Variants in ANGPT1 observed in about 807,000 individuals in gnomAD.
ANGPT1 encodes angiopoietin-1.
Under a neutral mutation model 62.2 loss-of-function variants are expected in ANGPT1, and 17 were observed. The observed-to-expected ratio is 0.27, with a 90% confidence interval of 0.19 to 0.41. ANGPT1 has a LOEUF of 0.41. ANGPT1 is among the 10% of genes least tolerant of loss of function. The pLI is 1.00. For synonymous variants in ANGPT1, 199 were observed against 198.9 expected (o/e 1.00, Z 0.00); for missense variants, 478 against 594.9 (o/e 0.80, Z 2.04).
Position 107,251,705 on chromosome 8 carries a change from G to A in ANGPT1, c.*150C>T, listed in dbSNP as rs556991396. ...TGAACTCAAACGGCTCCAGATTCAC[G>A]GTCAAGAACCTTGGTGACTTCACAT... On this transcript the variant is annotated 3_prime_UTR_variant, in exon 9 of 9. Transcript: ENST00000517746. 7.9e-4 allele frequency: 778 copies of A among 981,544 alleles called. 2 individuals are homozygous for A. The highest frequency in any genetic ancestry group is 9.6e-4 in the Non-Finnish European group (657 of 684,300). 60.8% of individuals were successfully genotyped at this position (981,544 alleles called of 1,614,324 possible).
chr8:107,329,046 GAAAT>G (rs1235819724), intron 3 of ANGPT1, among the ~76,000 whole-genome samples: 1 of 151,770 alleles, frequency 6.6e-6, no homozygotes, highest in Non-Finnish European at 1.5e-5. Context: ...AAATTATTAT[GAAAT>G]AAATAGTAGA....
intron 1 of ANGPT1, among the ~76,000 whole-genome samples, chr8:107,475,135 T>C (rs191147925): frequency 6.6e-6 from 1 of 152,208 alleles, no homozygotes; most frequent in African/African-American, 2.4e-5. Flanking sequence ...AAGACAATCC[T>C]AAGCCAAAAG....
chr8:107,383,255 G>A (rs1816673608), intron 1 of ANGPT1, among the ~76,000 whole-genome samples: 1 of 152,070 alleles, frequency 6.6e-6, no homozygotes, highest in Non-Finnish European at 1.5e-5. Flanking sequence ...ATCAATGGTT[G>A]TGTGGGTCTC....
intron 1 of ANGPT1, among the ~76,000 whole-genome samples, chr8:107,419,154 G>A (rs1303206869): frequency 6.6e-6 from 1 of 152,060 alleles, no homozygotes; most frequent in East Asian, 1.9e-4. Flanking sequence ...AGATGATGGG[G>A]TTCAGGACTC....
intron 1 of ANGPT1, among the ~76,000 whole-genome samples, chr8:107,439,983 G>A (rs909091818): frequency 2.6e-5 from 4 of 152,248 alleles, no homozygotes; most frequent in South Asian, 2.1e-4. Context: ...TATCTGCCTC[G>A]GAAACCATGG....
At chr8:107,469,324 C>T (rs1466045607) in intron 1 of ANGPT1, among the ~76,000 whole-genome samples, 5 of 151,878 alleles carry the variant, frequency 3.3e-5, no homozygotes, top group Non-Finnish European at 1.5e-5. Context: ...ATTTGTGTGA[C>T]CACTTGATTG....
chr8:107,297,483 CATAAT>C (rs1429164241), intron 5 of ANGPT1, among the ~76,000 whole-genome samples: 3 of 151,488 alleles, frequency 2.0e-5, no homozygotes, highest in Admixed American at 1.3e-4. Flanking sequence ...TTACTGATGA[CATAAT>C]ATATGTTTAT....
At chr8:107,471,267 C>T (rs1812350808) in intron 1 of ANGPT1, among the ~76,000 whole-genome samples, 1 of 152,018 alleles carries the variant, frequency 6.6e-6, no homozygotes, top group Non-Finnish European at 1.5e-5. Context: ...AAGCTGGAAA[C>T]CATCATTCTC....
At chr8:107,330,532 G>A (rs1312256876) in intron 3 of ANGPT1, among the ~76,000 whole-genome samples, 1 of 152,152 alleles carries the variant, frequency 6.6e-6, no homozygotes, top group Admixed American at 6.5e-5. Context: ...ATAGAGAATT[G>A]TCATTTGGTT....
chr8:107,446,788 T>C (rs1490919436), intron 1 of ANGPT1, among the ~76,000 whole-genome samples: 2 of 152,204 alleles, frequency 1.3e-5, no homozygotes, highest in African/African-American at 4.8e-5. Context: ...ATATCTTCTA[T>C]ATGCTTGAGG....
chr8:107,357,231 C>T (rs1227245317), intron 1 of ANGPT1, among the ~76,000 whole-genome samples: 2 of 152,132 alleles, frequency 1.3e-5, no homozygotes, highest in East Asian at 3.8e-4. Flanking sequence ...TTCTGCCTAA[C>T]AACACAGAAA....
At chr8:107,481,876 A>C (rs1343560630) in intron 1 of ANGPT1, among the ~76,000 whole-genome samples, 1 of 152,168 alleles carries the variant, frequency 6.6e-6, no homozygotes, top group African/African-American at 2.4e-5. Flanking sequence ...CCATAATCGA[A>C]TTCACCTCCT....
chr8:107,285,796 T>C (rs1258534671), intron 6 of ANGPT1, among the ~76,000 whole-genome samples: 1 of 152,062 alleles, frequency 6.6e-6, no homozygotes, highest in Non-Finnish European at 1.5e-5. Flanking sequence ...TTGGCAGTGC[T>C]TGAAGTTCAA....
At chr8:107,267,770 T>C (rs534022445) in intron 7 of ANGPT1, among the ~76,000 whole-genome samples, 137 of 152,234 alleles carry the variant, frequency 9.0e-4, no homozygotes, top group Middle Eastern at 3.4e-3. Flanking sequence ...TACTGTCTAC[T>C]TTTTCCCATG....
At chr8:107,277,583 G>A (rs1281701215) in intron 7 of ANGPT1, among the ~76,000 whole-genome samples, 2 of 151,996 alleles carry the variant, frequency 1.3e-5, no homozygotes, top group African/African-American at 4.8e-5. Context: ...GGAGAGAATA[G>A]GTATTCCATT....
At chr8:107,281,801 T>C (rs1205364163) in intron 7 of ANGPT1, among the ~76,000 whole-genome samples, 17 of 152,228 alleles carry the variant, frequency 1.1e-4, no homozygotes. Flanking sequence ...TGTCTAATAA[T>C]ACCTACCTCC....
At chr8:107,332,776 C>T (rs1815453708) in intron 3 of ANGPT1, among the ~76,000 whole-genome samples, 3 of 152,136 alleles carry the variant, frequency 2.0e-5, no homozygotes. Context: ...GGAAACAAAG[C>T]TTAATTTAGA....
intron 3 of ANGPT1, among the ~76,000 whole-genome samples, chr8:107,326,195 C>T (rs569579346): frequency 2.6e-4 from 39 of 152,118 alleles, no homozygotes; most frequent in African/African-American, 8.2e-4. Flanking sequence ...ACTAAGAAGG[C>T]TACTCTACAG....
intron 1 of ANGPT1, among the ~76,000 whole-genome samples, chr8:107,444,861 C>G (rs1166649098): frequency 6.6e-6 from 1 of 152,148 alleles, no homozygotes; most frequent in Non-Finnish European, 1.5e-5. Context: ...GGGCAGGGCA[C>G]TCCAGAGACC....
Sources: allele counts gnomAD v4.1 joint callset (sites outside exome capture counted in the v4.1 genomes callset), GRCh38; gene constraint gnomAD v4.1.1; transcripts MANE v1.5; gene names NCBI Gene and HGNC (gene_info 2026-07-23, HGNC 2026-07-21).